Variants in RHBDF2 observed in about 807,000 individuals in gnomAD.
RHBDF2 encodes rhomboid 5 homolog 2.
In RHBDF2, 38 loss-of-function variants were observed where a neutral mutation model predicts 95.2. That is an observed-to-expected ratio of 0.40 (90% CI 0.31 to 0.52). The LOEUF (loss-of-function observed/expected upper bound fraction) is 0.52, where lower values mean the gene tolerates loss of function less well. Among genes scored for constraint, RHBDF2 ranks in the 20% least tolerant of loss-of-function variants. The pLI is 0.56. For synonymous variants in RHBDF2, 442 were observed against 462.0 expected, an observed-to-expected ratio of 0.96 and a Z score of 0.55; for missense variants, 863 against 1,137.7, an observed-to-expected ratio of 0.76 and a Z score of 3.47.
intron 1 of RHBDF2, chr17:76,493,050 G>A (rs2144407508): frequency 6.6e-6 from 1 of 152,458 alleles, no homozygotes; most frequent in South Asian, 2.1e-4. Context: ...CCGCGGGTGG[G>A]CGAGGCGTCA....
chr17:76,485,958 G>A lies in RHBDF2; in HGVS notation c.-22+1754C>T, dbSNP rs2074114346. 2.6e-5 allele frequency among the ~76,000 whole-genome samples: 4 copies of A among 152,160 alleles called. No homozygotes were observed. The South Asian group carries it at 8.3e-4, about 32-fold the overall frequency. ...GCAGGGTAGTGGTTCTTAGGACTGG[G>A]AAGGTGGGGACTGGGCAGGGGGTGA... On this transcript the variant is annotated intron_variant, in intron 2 of 18. Transcript: ENST00000675367.
rs1282872335 is a variant in RHBDF2, at chr17:76,471,609, A to G, written c.*24T>C. On this transcript the variant is annotated 3_prime_UTR_variant, in exon 19 of 19. Coordinates refer to ENST00000675367, the MANE Select transcript of RHBDF2 (RefSeq NM_001005498.4). ...GGCAGACCCTGTTCCAGCAGGGCTG[A>G]GGGGCAGCCGTGTGGCCCAGCGGTC... The G allele has an allele frequency of 6.4e-7, 1 of 1,560,608 alleles. No homozygotes were observed. Among genetic ancestry groups the G allele is most frequent in the Non-Finnish European group, 8.7e-7 (1 of 1,151,700 alleles).
Position 76,471,606 on chromosome 17 carries a change from C to G in RHBDF2, c.*27G>C, listed in dbSNP as rs1344861843. 5 of 1,557,664 alleles carry G rather than the reference C, an allele frequency of 3.2e-6. No individual in the cohort carries two copies. ...GCAGGCAGACCCTGTTCCAGCAGGG[C>G]TGAGGGGCAGCCGTGTGGCCCAGCG... On this transcript the variant is annotated 3_prime_UTR_variant, in exon 19 of 19. Coordinates refer to ENST00000675367, the MANE Select transcript of RHBDF2 (RefSeq NM_001005498.4).
chr17:76,480,453 T>C lies in RHBDF2; in HGVS notation c.151-599A>G, dbSNP rs1188080928. On this transcript the variant is annotated intron_variant, in intron 3 of 18. Transcript: ENST00000675367. Reference sequence around the variant, plus strand: ...AGGTTGGAGGGCAGTGGCACCATCATAGCTCACTGGAGCCTCGACCTCCCA... The same window carrying C: ...AGGTTGGAGGGCAGTGGCACCATCACAGCTCACTGGAGCCTCGACCTCCCA... Among the ~76,000 whole-genome samples, 5 of 151,220 alleles carry C rather than the reference T, an allele frequency of 3.3e-5. No individual in the cohort carries two copies. In the South Asian group the frequency reaches 1.0e-3, roughly 32 times the overall value.
At position 76,477,234 on chromosome 17, in the gene RHBDF2, C is replaced by T. The variant is rs753837215; in HGVS notation, c.866G>A (p.Arg289Gln). The change falls in exon 8 of 19, where the codon CGA becomes CAA. Residue 289 changes from arginine (R) to glutamine (Q), a missense_variant. Around this residue, in one of 2 missense-constraint regions of RHBDF2, gnomAD observed 611 missense variants for 725.5 expected, o/e 0.84. Coordinates refer to ENST00000675367, the MANE Select transcript of RHBDF2 (RefSeq NM_001005498.4). ...ESPPLSASYF[R>Q]GIPHSASPVS... The stretch of plus-strand genomic sequence containing the variant: ...AGGGGAGGCTGAGTGTGGGATCCCT[C>T]GGAAGTAGCTGGCAGAGAGTGGGGG... 9.9e-6 allele frequency: 16 copies of T among 1,608,164 alleles called. No homozygotes were observed. Among genetic ancestry groups the T allele is most frequent in the African/African-American group, 5.4e-5 (4 of 74,460 alleles).
chr17:76,489,714 G>A (rs2074249069), intron 1 of RHBDF2, among the ~76,000 whole-genome samples: 1 of 152,058 alleles, frequency 6.6e-6, no homozygotes, highest in African/African-American at 2.4e-5. Context: ...CAGGATTTAA[G>A]TCCTTAACTG....
At chr17:76,498,823 T>TGTGTGTGTGA (rs763823463) in intron 1 of RHBDF2, among the ~76,000 whole-genome samples, 5 of 141,210 alleles carry the variant, frequency 3.5e-5, no homozygotes, top group East Asian at 2.1e-4. Flanking sequence ...TGTGTGTGTG[T>TGTGTGTGTGA]GAGTCTGTGT....
intron 1 of RHBDF2, among the ~76,000 whole-genome samples, chr17:76,491,614 A>G (rs1258759179): frequency 6.6e-6 from 1 of 152,176 alleles, no homozygotes; most frequent in Non-Finnish European, 1.5e-5. Context: ...CCCTTCTCTG[A>G]GGGAATGGGA....
chr17:76,473,901 T>C lies in RHBDF2; in HGVS notation c.1576A>G (p.Thr526Ala). The C allele has an allele frequency of 6.2e-7, 1 of 1,613,888 alleles. No individual in the cohort carries two copies. Reference protein sequence around the residue: ...SGAVCHQDPRTCEEPASSGAH... With the variant: ...SGAVCHQDPRACEEPASSGAH... ...CCGCTGGAGGCTGGCTCCTCGCAGG[T>C]CCTGGAGACAGGGTTCAGATTGGGC... Residue 526 changes from threonine to alanine, a missense_variant and splice_region_variant, in exon 14 of 19, where the codon ACC becomes GCC. Coordinates refer to ENST00000675367, the MANE Select transcript of RHBDF2 (RefSeq NM_001005498.4).
chr17:76,477,523 T>G, intron 7 of RHBDF2, 134 bp downstream of exon 7: 2 of 1,179,256 alleles, frequency 1.7e-6, no homozygotes, highest in East Asian at 2.3e-5. Flanking sequence ...CAGCTCCACA[T>G]AGGACCATGC....
intron 1 of RHBDF2, among the ~76,000 whole-genome samples, chr17:76,499,734 A>C (rs1397399051): frequency 2.6e-5 from 4 of 152,190 alleles, no homozygotes; most frequent in Non-Finnish European, 5.9e-5. Context: ...GGTATCAGGC[A>C]ACCATGCCAG....
intron 2 of RHBDF2, among the ~76,000 whole-genome samples, chr17:76,486,481 G>A (rs1028913273): frequency 6.6e-6 from 1 of 152,136 alleles, no homozygotes; most frequent in Non-Finnish European, 1.5e-5. Context: ...GAGAGACTGA[G>A]GCAGGAAGAT....
At chr17:76,479,940 C>A in intron 3 of RHBDF2, 86 bp from the exon 4 acceptor site, 1 of 1,565,054 alleles carries the variant, frequency 6.4e-7, no homozygotes, top group South Asian at 1.2e-5. Context: ...ATTCTGAAAA[C>A]CCTGAGAACA....
intron 1 of RHBDF2, among the ~76,000 whole-genome samples, chr17:76,499,075 T>C (rs927652099): frequency 1.3e-5 from 2 of 152,120 alleles, no homozygotes; most frequent in Non-Finnish European, 2.9e-5. Flanking sequence ...TGGAGGCCAC[T>C]TTTGTTTTTT....
At chr17:76,484,369 G>A (rs1430197356) in intron 2 of RHBDF2, among the ~76,000 whole-genome samples, 2 of 152,142 alleles carry the variant, frequency 1.3e-5, no homozygotes, top group Admixed American at 6.5e-5. Flanking sequence ...TACGAAGCCA[G>A]GGACTCCATA....
At chr17:76,498,828 CTG>C (rs2074501304) in intron 1 of RHBDF2, among the ~76,000 whole-genome samples, 2 of 80,122 alleles carry the variant, frequency 2.5e-5, no homozygotes, top group African/African-American at 3.5e-5. Context: ...GTGTGTGAGT[CTG>C]TGTGTGTCTG....
At chr17:76,498,379 C>A (rs1410415864) in intron 1 of RHBDF2, among the ~76,000 whole-genome samples, 1 of 152,226 alleles carries the variant, frequency 6.6e-6, no homozygotes, top group African/African-American at 2.4e-5. Flanking sequence ...AGCGCCGAGG[C>A]CTGCTCCAGA....
At chr17:76,491,211 C>T (rs543710427) in intron 1 of RHBDF2, among the ~76,000 whole-genome samples, 6 of 152,236 alleles carry the variant, frequency 3.9e-5, no homozygotes, top group African/African-American at 1.4e-4. Context: ...AGACTCCCCA[C>T]TAGACTCCCC....
rs976708229 is a variant in RHBDF2 at position 76,472,289 on chromosome 17, G to T, written c.2065-237C>A. ...GCCTGGTGTGGGTCCGTAGCAATAA[G>T]CAAGACAGACAAGCCTGTTCCAGGC... On this transcript the variant is annotated intron_variant, in intron 18 of 18. Coordinates refer to ENST00000675367, the MANE Select transcript of RHBDF2 (RefSeq NM_001005498.4). 1.3e-5 allele frequency: 8 copies of T among 599,246 alleles called. No individual in the cohort carries two copies. In the African/African-American group the frequency reaches 1.5e-4, roughly 11 times the overall value. The allele number at this position is 599,246 out of a possible 1,614,324, so 37.1% of individuals were successfully genotyped here.
Sources: gnomAD v4.1 joint callset for allele counts (sites outside exome capture counted in the v4.1 genomes callset) on GRCh38, gnomAD v4.1.1 for gene constraint, gnomAD v4.1.1 regional missense constraint, MANE v1.5 for transcripts, NCBI Gene and HGNC (gene_info 2026-07-23, HGNC 2026-07-21) for gene names.